The following FAM13C variants were observed in gnomAD, a reference collection of about 807,000 sequenced individuals.
The protein encoded by FAM13C is protein FAM13C.
FAM13C carries 37 observed loss-of-function variants against 73.2 expected under a neutral mutation model. The observed-to-expected ratio is 0.51, with a 90% CI of 0.39 to 0.67. The LOEUF is 0.67. Ranked by LOEUF, FAM13C falls within the 30% of genes least tolerant of loss-of-function variation. The pLI, the probability that FAM13C is intolerant of heterozygous loss-of-function variation, is 0.00. For synonymous variants in FAM13C, 246 were observed against 260.9 expected (o/e 0.94, Z 0.55); for missense variants, 589 against 715.6 (o/e 0.82, Z 2.02).
At chr10:59,336,950 G>A (rs901543848) in intron 3 of FAM13C, among the ~76,000 whole-genome samples, 1 of 152,068 alleles carries the variant, frequency 6.6e-6, no homozygotes, top group Non-Finnish European at 1.5e-5. Flanking sequence ...GACAAATTAG[G>A]TGGCAGCTCT....
chr10:59,272,859 CAGAGCGCATCAA>C (rs1843871281), intron 6 of FAM13C, among the ~76,000 whole-genome samples: 1 of 152,170 alleles, frequency 6.6e-6, no homozygotes, highest in Admixed American at 6.5e-5. Flanking sequence ...CCTGAAACCA[CAGAGCGCATCAA>C]ACCCTATATA....
chr10:59,251,491 C>A, intron 13 of FAM13C, 84 bp downstream of exon 13: 1 of 1,200,718 alleles, frequency 8.3e-7, no homozygotes, highest in Non-Finnish European at 1.2e-6. Context: ...AAAAAGTCAC[C>A]GTTCCTGCAA....
intron 3 of FAM13C, among the ~76,000 whole-genome samples, chr10:59,326,569 C>T (rs1168258338): frequency 6.6e-6 from 1 of 152,138 alleles, no homozygotes; most frequent in East Asian, 1.9e-4. Context: ...TTAGAAAACA[C>T]CGAGTTTATT....
chr10:59,280,746 T>TG (rs1338579554), intron 6 of FAM13C, among the ~76,000 whole-genome samples: 1 of 152,214 alleles, frequency 6.6e-6, no homozygotes, highest in Non-Finnish European at 1.5e-5. Context: ...TTGCTGCATA[T>TG]GCAGTTTACA....
intron 4 of FAM13C, among the ~76,000 whole-genome samples, chr10:59,311,193 C>T (rs1460594900): frequency 6.6e-6 from 1 of 152,178 alleles, no homozygotes; most frequent in Non-Finnish European, 1.5e-5. Context: ...GCAGCCAAGA[C>T]CACAGCAATG....
chr10:59,290,780 G>A (rs1281478845), intron 5 of FAM13C, among the ~76,000 whole-genome samples: 1 of 152,184 alleles, frequency 6.6e-6, no homozygotes, highest in Non-Finnish European at 1.5e-5. Flanking sequence ...GCATCCTAGC[G>A]CAATGTGTAG....
intron 1 of FAM13C, among the ~76,000 whole-genome samples, chr10:59,361,947 T>A (rs1856471056): frequency 6.6e-6 from 1 of 152,144 alleles, no homozygotes; most frequent in African/African-American, 2.4e-5. Context: ...CTTAAAAATC[T>A]GTAGACAAGA....
At chr10:59,255,006 G>GT (rs1372488600) in intron 10 of FAM13C, among the ~76,000 whole-genome samples, 37 of 152,178 alleles carry the variant, frequency 2.4e-4, no homozygotes, top group Admixed American at 1.6e-3. Flanking sequence ...TCTGAAATGC[G>GT]TAAGTGTTAA....
At chr10:59,356,332 C>T (rs1855709179) in intron 1 of FAM13C, among the ~76,000 whole-genome samples, 1 of 152,164 alleles carries the variant, frequency 6.6e-6, no homozygotes, top group African/African-American at 2.4e-5. Flanking sequence ...CAGGCAGTCC[C>T]AAACCAAACC....
intron 11 of FAM13C, 30 bp from the exon 12 acceptor site, chr10:59,253,028 G>A (rs1457857552): frequency 6.2e-7 from 1 of 1,607,392 alleles, no homozygotes; most frequent in Non-Finnish European, 8.5e-7. Flanking sequence ...AAGAAAGAAA[G>A]TCATGTAATG....
intron 6 of FAM13C, among the ~76,000 whole-genome samples, chr10:59,277,532 C>A (rs772116963): frequency 9.2e-5 from 14 of 151,970 alleles, no homozygotes; most frequent in Non-Finnish European, 1.8e-4. Flanking sequence ...ATGTGAAATA[C>A]GCTATGCAGT....
At chr10:59,335,143 T>C (rs1240763297) in intron 3 of FAM13C, among the ~76,000 whole-genome samples, 1 of 152,202 alleles carries the variant, frequency 6.6e-6, no homozygotes, top group Non-Finnish European at 1.5e-5. Context: ...CTAACAGTCA[T>C]TAGGGCTGTT....
At chr10:59,328,486 G>C (rs943944287) in intron 3 of FAM13C, among the ~76,000 whole-genome samples, 1 of 147,732 alleles carries the variant, frequency 6.8e-6, no homozygotes, top group Non-Finnish European at 1.5e-5. Context: ...TGGCCATCAA[G>C]AAAAACAAAA....
At chr10:59,330,069 G>T (rs1440367111) in intron 3 of FAM13C, among the ~76,000 whole-genome samples, 1 of 152,176 alleles carries the variant, frequency 6.6e-6, no homozygotes, top group Admixed American at 6.5e-5. Context: ...GGAAATATTT[G>T]AATAAAATCA....
intron 5 of FAM13C, among the ~76,000 whole-genome samples, chr10:59,293,538 A>G (rs996644721): frequency 5.3e-5 from 8 of 152,212 alleles, no homozygotes; most frequent in African/African-American, 1.9e-4. Flanking sequence ...TCCATTGTAT[A>G]TAAGTACCAT....
chr10:59,319,036 T>C (rs1325880870), intron 4 of FAM13C, among the ~76,000 whole-genome samples: 1 of 151,042 alleles, frequency 6.6e-6, no homozygotes, highest in African/African-American at 2.4e-5. Context: ...CTTACGTCTA[T>C]GAAAAACATT....
At chr10:59,318,663 G>A (rs866835569) in intron 4 of FAM13C, among the ~76,000 whole-genome samples, 1 of 139,454 alleles carries the variant, frequency 7.2e-6, no homozygotes, top group Non-Finnish European at 1.5e-5. Flanking sequence ...CATCCACGGA[G>A]GGAGGCAGTG....
chr10:59,344,112 C>T (rs1032018116), intron 3 of FAM13C, among the ~76,000 whole-genome samples: 1 of 151,240 alleles, frequency 6.6e-6, no homozygotes, highest in African/African-American at 2.4e-5. Context: ...CAGGCACCCG[C>T]CACCACGCCC....
intron 10 of FAM13C, among the ~76,000 whole-genome samples, chr10:59,261,121 G>A (rs992270977): frequency 1.3e-5 from 2 of 152,120 alleles, no homozygotes; most frequent in Non-Finnish European, 2.9e-5. Flanking sequence ...AGCATTGAAG[G>A]ATGGAAAACC....
Sources: allele counts gnomAD v4.1 joint callset (sites outside exome capture counted in the v4.1 genomes callset), GRCh38; gene constraint gnomAD v4.1.1; transcripts MANE v1.5; gene names NCBI Gene and HGNC (gene_info 2026-07-23, HGNC 2026-07-21).